The following DPP10 variants were observed in gnomAD, a reference collection of about 807,000 sequenced individuals.
The protein encoded by DPP10 is inactive dipeptidyl peptidase 10.
In DPP10, 33 loss-of-function variants were observed where a neutral mutation model predicts 120.9. That is an observed-to-expected ratio of 0.27 (90% confidence interval 0.21 to 0.37). The LOEUF (loss-of-function observed/expected upper bound fraction) is 0.37. Ranked by LOEUF, DPP10 falls within the 10% of genes least tolerant of loss-of-function variation. The pLI, the probability that DPP10 is intolerant of heterozygous loss-of-function variation, is 1.00. For synonymous variants in DPP10, 337 were observed against 326.1 expected, an observed-to-expected ratio of 1.03 and a Z score of -0.36; for missense variants, 816 against 942.8, an observed-to-expected ratio of 0.87 and a Z score of 1.76.
At chr2:114,697,486 C>T (rs1700133818) in intron 1 of DPP10, among the ~76,000 whole-genome samples, 1 of 151,968 alleles carries the variant, frequency 6.6e-6, no homozygotes, top group Non-Finnish European at 1.5e-5. Context: ...CACAGTGGCT[C>T]ATGTCTGTAA....
rs545324050 is a variant in DPP10, at chr2:114,621,953, G to T, written c.60+179115G>T. Among the ~76,000 whole-genome samples the T allele has an allele frequency of 1.8e-4, 27 of 151,950 alleles. No individual in the cohort carries two copies. In the South Asian group the frequency reaches 5.4e-3, roughly 30 times the overall value. On this transcript the variant is annotated intron_variant, in intron 1 of 25. Transcript: ENST00000410059. Reference sequence around the variant, plus strand: ...GCTGGCTGCTGTGGCAGGGCACAAAGAAATGACCTCAGCCCATAAGGAGCT... The same window carrying T: ...GCTGGCTGCTGTGGCAGGGCACAAATAAATGACCTCAGCCCATAAGGAGCT...
chr2:115,352,961 A>T (rs972508292), intron 3 of DPP10, among the ~76,000 whole-genome samples: 1 of 152,078 alleles, frequency 6.6e-6, no homozygotes, highest in African/African-American at 2.4e-5. Flanking sequence ...GTCTTCACTT[A>T]CATATGGTAA....
At chr2:114,974,158 C>T (rs1242664275) in intron 1 of DPP10, among the ~76,000 whole-genome samples, 3 of 152,126 alleles carry the variant, frequency 2.0e-5, no homozygotes, top group Non-Finnish European at 4.4e-5. Flanking sequence ...CAGCAGTGAA[C>T]AGTAATGTCC....
chr2:115,500,703 A>C (rs999964486), intron 4 of DPP10, among the ~76,000 whole-genome samples: 1 of 152,070 alleles, frequency 6.6e-6, no homozygotes, highest in Non-Finnish European at 1.5e-5. Flanking sequence ...ACAGGGAATC[A>C]AAGAATAGTT....
intron 5 of DPP10, among the ~76,000 whole-genome samples, chr2:115,634,679 C>G (rs187005080): frequency 2.0e-5 from 3 of 152,110 alleles, no homozygotes; most frequent in Non-Finnish European, 4.4e-5. Context: ...TGAGGGTTCT[C>G]CTCCAGTCAG....
chr2:115,057,706 A>G (rs535826014), intron 1 of DPP10, among the ~76,000 whole-genome samples: 61 of 152,330 alleles, frequency 4.0e-4, no homozygotes, highest in African/African-American at 8.4e-4. Context: ...GACTTCAAAG[A>G]GCTTCTCTTT....
intron 5 of DPP10, among the ~76,000 whole-genome samples, chr2:115,681,313 A>C: frequency 6.6e-6 from 1 of 151,960 alleles, no homozygotes; most frequent in East Asian, 1.9e-4. Flanking sequence ...AGGTAAATAC[A>C]TATATTATAA....
chr2:114,868,621 T>G (rs1036856158), intron 1 of DPP10, among the ~76,000 whole-genome samples: 1 of 152,136 alleles, frequency 6.6e-6, no homozygotes, highest in African/African-American at 2.4e-5. Context: ...TCACTTTGTA[T>G]TAAATTAACT....
intron 3 of DPP10, among the ~76,000 whole-genome samples, chr2:115,403,381 CTTTTTTTTTTTTT>C (rs78116780): frequency 4.2e-5 from 5 of 118,460 alleles, no homozygotes; most frequent in African/African-American, 1.1e-4. Flanking sequence ...TTCTTTCCTT[CTTTTTTTTTTTTT>C]TTTTTTTTTT....
intron 3 of DPP10, among the ~76,000 whole-genome samples, chr2:115,441,795 C>T (rs1277523545): frequency 6.7e-6 from 1 of 148,860 alleles, no homozygotes; most frequent in African/African-American, 2.5e-5. Flanking sequence ...TATGTCAAGA[C>T]AAGTTTCTTT....
At chr2:115,049,140 T>A (rs1364288795) in intron 1 of DPP10, among the ~76,000 whole-genome samples, 3 of 152,152 alleles carry the variant, frequency 2.0e-5, no homozygotes, top group Non-Finnish European at 4.4e-5. Context: ...TATAGAGCAC[T>A]GGTACAATAA....
chr2:114,733,078 G>A lies in DPP10; in HGVS notation c.60+290240G>A, dbSNP rs117939966. Among the ~76,000 whole-genome samples the A allele has an allele frequency of 5.1e-4, 78 of 152,318 alleles. 1 individual carries two copies. The East Asian group carries it at 0.014, about 28-fold the overall frequency. On this transcript the variant is annotated intron_variant, in intron 1 of 25. Coordinates refer to ENST00000410059, the MANE Select transcript of DPP10 (RefSeq NM_020868.6). ...AGGACACATTGGGAGCTATTGCAGA[G>A]CGAGAAAGGGCAGGTCTTGACGACT...
chr2:115,411,762 A>G (rs2068973941), intron 3 of DPP10, among the ~76,000 whole-genome samples: 1 of 152,156 alleles, frequency 6.6e-6, no homozygotes, highest in African/African-American at 2.4e-5. Context: ...GTTATTTGCA[A>G]CTATTATCTT....
chr2:115,544,556 C>T (rs984097770), intron 5 of DPP10, among the ~76,000 whole-genome samples: 2 of 151,988 alleles, frequency 1.3e-5, no homozygotes, highest in African/African-American at 2.4e-5. Context: ...TTCATTCTGG[C>T]CCAAAATCTA....
chr2:114,837,302 G>A (rs552671152), intron 1 of DPP10, among the ~76,000 whole-genome samples: 4 of 152,058 alleles, frequency 2.6e-5, no homozygotes, highest in African/African-American at 4.8e-5. Flanking sequence ...CACAATCCAC[G>A]TTCTTCTGCC....
intron 1 of DPP10, among the ~76,000 whole-genome samples, chr2:114,670,808 G>A (rs1182845381): frequency 1.3e-5 from 2 of 152,066 alleles, no homozygotes; most frequent in Non-Finnish European, 2.9e-5. Flanking sequence ...TCATAATAAT[G>A]CTTGTCTGTT....
At position 114,642,453 on chromosome 2, in the gene DPP10, A is replaced by G. The variant is rs1315476176; in HGVS notation, c.60+199615A>G. On this transcript the variant is annotated intron_variant, in intron 1 of 25. Transcript: ENST00000410059. The stretch of plus-strand genomic sequence containing the variant: ...CCCAATGAGTTGACAAAATTAAACA[A>G]AAACTAAGCAGAATTATATTTTCTT... 2.0e-5 allele frequency among the ~76,000 whole-genome samples: 3 copies of G among 151,942 alleles called. No homozygotes were observed. The East Asian group carries it at 5.8e-4, about 29-fold the overall frequency.
intron 1 of DPP10, among the ~76,000 whole-genome samples, chr2:115,211,047 A>G (rs1037344169): frequency 2.0e-5 from 3 of 152,166 alleles, no homozygotes; most frequent in Admixed American, 6.5e-5. Flanking sequence ...TATTTGATCA[A>G]GCATATAAAT....
At chr2:114,846,578 GTT>G (rs72304820) in intron 1 of DPP10, among the ~76,000 whole-genome samples, 12,142 of 146,750 alleles carry the variant, frequency 0.083, 1,624 homozygotes, top group African/African-American at 0.28. Context: ...CTCAGATTCT[GTT>G]TTTTTTTTTT....
Sources: allele counts gnomAD v4.1 joint callset (sites outside exome capture counted in the v4.1 genomes callset), GRCh38; gene constraint gnomAD v4.1.1; transcripts MANE v1.5; gene names NCBI Gene and HGNC (gene_info 2026-07-23, HGNC 2026-07-21).